The following ITGA2 variants were observed in gnomAD, a reference collection of about 807,000 sequenced individuals.
ITGA2 encodes integrin subunit alpha 2.
Under a neutral mutation model 146.3 loss-of-function variants are expected in ITGA2, and 101 were observed. The observed-to-expected ratio is 0.69, with a 90% confidence interval of 0.59 to 0.81. The LOEUF is 0.81. ITGA2 is among the 40% of genes least tolerant of loss of function. The pLI is 0.00. For missense variants in ITGA2, 1,281 were observed against 1,402.7 expected (o/e 0.91, Z 1.39); for synonymous variants, 477 against 487.1 (o/e 0.98, Z 0.27).
At chr5:53,040,875 C>A (rs1458387272) in intron 2 of ITGA2, among the ~76,000 whole-genome samples, 1 of 152,074 alleles carries the variant, frequency 6.6e-6, no homozygotes, top group African/African-American at 2.4e-5. Flanking sequence ...AACCTTGGAC[C>A]ATTTTAATGT....
chr5:53,048,227 T>C (rs1744185854), intron 4 of ITGA2, 136 bp from the exon 5 acceptor site: 2 of 742,100 alleles, frequency 2.7e-6, no homozygotes. Flanking sequence ...AAGGCATTAC[T>C]GACTCATTGG....
chr5:53,058,588 G>C (rs1012200319), intron 10 of ITGA2, among the ~76,000 whole-genome samples: 4 of 151,700 alleles, frequency 2.6e-5, no homozygotes, highest in Admixed American at 1.3e-4. Context: ...TTTTCAGCTC[G>C]GGGAAGTCTA....
At chr5:53,082,228 G>A (rs894055253) in intron 26 of ITGA2, among the ~76,000 whole-genome samples, 3 of 152,118 alleles carry the variant, frequency 2.0e-5, no homozygotes, top group Admixed American at 6.5e-5. Flanking sequence ...CATCTGGCAT[G>A]GTGCTCGGCA....
intron 1 of ITGA2, among the ~76,000 whole-genome samples, chr5:53,006,718 A>C (rs957602164): frequency 1.3e-5 from 2 of 152,222 alleles, no homozygotes; most frequent in Non-Finnish European, 2.9e-5. Flanking sequence ...TTATAAAACA[A>C]GTGAAGCCGA....
At chr5:53,018,970 A>G (rs929073143) in intron 1 of ITGA2, among the ~76,000 whole-genome samples, 2 of 152,118 alleles carry the variant, frequency 1.3e-5, no homozygotes, top group South Asian at 2.1e-4. Context: ...AGGCTGAGAT[A>G]TGAGAATTGC....
At chr5:53,019,346 A>T (rs902375850) in intron 1 of ITGA2, among the ~76,000 whole-genome samples, 1 of 152,160 alleles carries the variant, frequency 6.6e-6, no homozygotes, top group Non-Finnish European at 1.5e-5. Context: ...TAAATAAGTC[A>T]TAAGTTTAAA....
intron 14 of ITGA2, 145 bp from the exon 15 acceptor site, chr5:53,065,696 T>TA: frequency 9.4e-7 from 1 of 1,062,174 alleles, no homozygotes; most frequent in Non-Finnish European, 1.4e-6. Flanking sequence ...AAGATGTGAT[T>TA]AAAAAATGAA....
chr5:53,001,644 G>A lies in ITGA2; in HGVS notation c.64+12112G>A, dbSNP rs185833115. Among the ~76,000 whole-genome samples, 255 of 152,080 alleles carry A rather than the reference G, an allele frequency of 1.7e-3. 3 individuals carry two copies. The Middle Eastern group carries it at 0.024, about 14-fold the overall frequency. On this transcript the variant is annotated intron_variant, in intron 1 of 29. Coordinates refer to ENST00000296585, the MANE Select transcript of ITGA2 (RefSeq NM_002203.4). The stretch of plus-strand genomic sequence containing the variant: ...GAGGCCAGGAATTTGAACCTAGACT[G>A]GTCAATATAGCGAGACTCTGTTTCT...
Position 53,072,472 on chromosome 5 carries a change from A to C in ITGA2, c.2347-141A>C, listed in dbSNP as rs570882242. On this transcript the variant is annotated intron_variant, in intron 18 of 29. Transcript: ENST00000296585. ...GTGTTTATTAATGCTTTTCTTTATT[A>C]TTTTGTTAAACATTTATATATTCCT... is the stretch of plus-strand genomic sequence containing the variant. The C allele has an allele frequency of 1.8e-4, 125 of 675,722 alleles. No homozygotes were observed. Among genetic ancestry groups the C allele is most frequent in the Non-Finnish European group, 2.9e-4 (111 of 381,724 alleles). 41.9% of individuals were successfully genotyped at this position (675,722 alleles called of 1,614,324 possible). A position where few individuals can be genotyped will look rare whatever the true frequency, so the allele number is the denominator to read the frequency against.
chr5:53,030,842 T>A (rs1743190840), intron 2 of ITGA2, among the ~76,000 whole-genome samples: 2 of 152,250 alleles, frequency 1.3e-5, no homozygotes, highest in Admixed American at 1.3e-4. Flanking sequence ...CTAGCTATAA[T>A]AACTTAAGAG....
chr5:53,086,827 G>T, intron 27 of ITGA2, 125 bp from the exon 28 acceptor site: 1 of 764,074 alleles, frequency 1.3e-6, no homozygotes, highest in Admixed American at 2.0e-5. Context: ...ATTCTGGATG[G>T]GTCTTCAGAA....
At chr5:53,083,551 A>T in intron 27 of ITGA2, 98 bp downstream of exon 27, 1 of 793,544 alleles carries the variant, frequency 1.3e-6, no homozygotes, top group Non-Finnish European at 2.2e-6. Flanking sequence ...TATTCTGGCT[A>T]ATGTCTGCAA....
intron 1 of ITGA2, among the ~76,000 whole-genome samples, chr5:53,019,128 A>C (rs1374879835): frequency 6.6e-6 from 1 of 152,144 alleles, no homozygotes; most frequent in Non-Finnish European, 1.5e-5. Flanking sequence ...TGTTTTTTAA[A>C]TGAAAATAAA....
intron 7 of ITGA2, among the ~76,000 whole-genome samples, chr5:53,052,379 A>T (rs1010352320): frequency 1.3e-5 from 2 of 152,092 alleles, no homozygotes; most frequent in African/African-American, 4.8e-5. Context: ...AAGTTTGCTG[A>T]GAATGATGGT....
intron 1 of ITGA2, among the ~76,000 whole-genome samples, chr5:52,991,507 A>G (rs1320855981): frequency 2.0e-5 from 3 of 152,198 alleles, no homozygotes; most frequent in Non-Finnish European, 4.4e-5. Context: ...AAAGCTATGT[A>G]TGTGACAGAG....
At position 53,094,574 on chromosome 5, in the gene ITGA2, A is replaced by G. The variant is rs958640475; in HGVS notation, c.*3975A>G. 6.6e-6 allele frequency: 1 copy of G among 152,182 alleles called. No homozygotes were observed. The highest frequency in any genetic ancestry group is 6.5e-5 in the Admixed American group (1 of 15,286). 9.4% of individuals were successfully genotyped at this position (152,182 alleles called of 1,614,324 possible). A position where few individuals can be genotyped will look rare whatever the true frequency, so the allele number is the denominator to read the frequency against. ...CCACAAAAACTGTAAAAATAAATGC[A>G]TGTTTGTACAAAAAGTTGCAGAATT... is the stretch of plus-strand genomic sequence containing the variant. On this transcript the variant is annotated 3_prime_UTR_variant, in exon 30 of 30. Transcript: ENST00000296585.
intron 26 of ITGA2, among the ~76,000 whole-genome samples, chr5:53,082,385 A>G (rs1459683390): frequency 1.3e-5 from 2 of 152,218 alleles, no homozygotes; most frequent in African/African-American, 2.4e-5. Flanking sequence ...AAAACAGGAA[A>G]CCAGAAGAAT....
chr5:53,015,554 G>T (rs1742363114), intron 1 of ITGA2, among the ~76,000 whole-genome samples: 1 of 152,032 alleles, frequency 6.6e-6, no homozygotes, highest in African/African-American at 2.4e-5. Context: ...CAGATGAGAA[G>T]AATGTGTATT....
chr5:53,005,748 C>G (rs1414521859), intron 1 of ITGA2, among the ~76,000 whole-genome samples: 2 of 152,050 alleles, frequency 1.3e-5, no homozygotes, highest in African/African-American at 4.8e-5. Context: ...GTTTTATATG[C>G]ATTGTCTGAC....
Sources: gnomAD v4.1 joint callset for allele counts (sites outside exome capture counted in the v4.1 genomes callset) on GRCh38, gnomAD v4.1.1 for gene constraint, MANE v1.5 for transcripts, NCBI Gene and HGNC (gene_info 2026-07-23, HGNC 2026-07-21) for gene names.